NTN4: variants seen among roughly 807,000 people sequenced by gnomAD.
NTN4 encodes netrin 4, also known as netrin-4.
NTN4 carries 32 observed loss-of-function variants against 73.6 expected under a neutral mutation model. That is an observed-to-expected ratio of 0.44 (90% CI 0.33 to 0.58). The LOEUF is 0.58. Ranked by LOEUF, NTN4 falls within the 20% of genes least tolerant of loss-of-function variation. The pLI, the probability that NTN4 is intolerant of heterozygous loss-of-function variation, is 0.04. For synonymous variants in NTN4, 258 were observed against 287.5 expected (o/e 0.90, Z 1.04); for missense variants, 654 against 798.3 (o/e 0.82, Z 2.18).
At chr12:95,764,912 A>G (rs2079010836) in intron 2 of NTN4, among the ~76,000 whole-genome samples, 1 of 152,186 alleles carries the variant, frequency 6.6e-6, no homozygotes, top group Non-Finnish European at 1.5e-5. Flanking sequence ...CATATAAATT[A>G]TGAGGAGTGC....
intron 2 of NTN4, among the ~76,000 whole-genome samples, chr12:95,746,822 TG>T (rs1313325974): frequency 1.3e-5 from 2 of 152,182 alleles, no homozygotes; most frequent in African/African-American, 4.8e-5. Context: ...CTGGGGTAAT[TG>T]TAGGGCTCAC....
At chr12:95,737,275 A>G (rs552464769) in intron 3 of NTN4, among the ~76,000 whole-genome samples, 1 of 152,194 alleles carries the variant, frequency 6.6e-6, no homozygotes, top group South Asian at 2.1e-4. Flanking sequence ...TCCTGAGGAT[A>G]CAAAGATCAT....
chr12:95,672,966 C>G (rs2078245191), intron 7 of NTN4: 1 of 1,143,050 alleles, frequency 8.7e-7, no homozygotes, highest in Non-Finnish European at 1.3e-6. Flanking sequence ...GTAAATTGGA[C>G]AAGAGCTCGA....
intron 5 of NTN4, among the ~76,000 whole-genome samples, chr12:95,689,899 C>A (rs1462795213): frequency 6.6e-6 from 1 of 152,194 alleles, no homozygotes; most frequent in African/African-American, 2.4e-5. Context: ...GTCTATCACA[C>A]CGGTCTGTAA....
At chr12:95,778,428 G>A (rs1055368384) in intron 2 of NTN4, among the ~76,000 whole-genome samples, 6 of 151,906 alleles carry the variant, frequency 3.9e-5, no homozygotes, top group African/African-American at 9.7e-5. Context: ...GACCAATAAA[G>A]AAGAAAAGAG....
At chr12:95,676,470 C>T (rs2078274179) in intron 7 of NTN4, among the ~76,000 whole-genome samples, 1 of 151,874 alleles carries the variant, frequency 6.6e-6, no homozygotes, top group Non-Finnish European at 1.5e-5. Flanking sequence ...TCCTAGACAA[C>T]TCAATGGATT....
Position 95,787,024 on chromosome 12 carries a change from G to A in NTN4, c.500C>T (p.Thr167Ile). 6.2e-7 allele frequency: 1 copy of A among 1,614,200 alleles called. No homozygotes were observed. Among genetic ancestry groups the A allele is most frequent in the South Asian group, 1.1e-5 (1 of 91,092 alleles). Residue 167 changes from threonine (T) to isoleucine (I), a missense_variant, in exon 2 of 10, where the codon ACA becomes ATA. Transcript: ENST00000343702. ...YKYFATNCSA[T>I]FGLEDDVVKK... ...GACAACATCATCTTCCAGGCCAAAT[G>A]TAGCGGAGCAGTTAGTCGCAAAGTA...
At chr12:95,736,162 C>A (rs1294308123) in intron 3 of NTN4, among the ~76,000 whole-genome samples, 2 of 152,038 alleles carry the variant, frequency 1.3e-5, no homozygotes, top group Non-Finnish European at 2.9e-5. Flanking sequence ...TGGTCTGGAA[C>A]TCCTGACCTC....
At chr12:95,758,739 A>C (rs1359255476) in intron 2 of NTN4, among the ~76,000 whole-genome samples, 3 of 151,818 alleles carry the variant, frequency 2.0e-5, no homozygotes, top group South Asian at 2.1e-4. Flanking sequence ...TAACTTTTTA[A>C]TTTTTTGTAG....
chr12:95,682,554 A>T (rs1227801613), intron 7 of NTN4, among the ~76,000 whole-genome samples, 153 bp downstream of exon 7: 2 of 152,012 alleles, frequency 1.3e-5, no homozygotes, highest in Non-Finnish European at 2.9e-5. Context: ...TTACAGTTTC[A>T]TACTTACAGG....
chr12:95,703,955 A>G (rs1330613030), intron 5 of NTN4, among the ~76,000 whole-genome samples: 1 of 152,174 alleles, frequency 6.6e-6, no homozygotes, highest in Non-Finnish European at 1.5e-5. Flanking sequence ...AGAGATGGGA[A>G]ATTTCTCTGC....
chr12:95,770,671 T>C lies in NTN4; in HGVS notation c.585+16268A>G, dbSNP rs536135745. Among the ~76,000 whole-genome samples, 320 of 152,210 alleles carry C rather than the reference T, an allele frequency of 2.1e-3. 1 individual carries two copies. Among genetic ancestry groups the C allele is most frequent in the Admixed American group, 4.4e-3 (67 of 15,294 alleles). On this transcript the variant is annotated intron_variant, in intron 2 of 9. Transcript: ENST00000343702. The stretch of plus-strand genomic sequence containing the variant: ...ACATAGATTAAACAGTGTAAGAGGG[T>C]GATCACATCTTCTCTCTTCAATTCA...
At chr12:95,747,937 A>C (rs2078873680) in intron 2 of NTN4, among the ~76,000 whole-genome samples, 2 of 152,106 alleles carry the variant, frequency 1.3e-5, no homozygotes, top group Admixed American at 1.3e-4. Flanking sequence ...TTATAGAAAA[A>C]ATATATTTAA....
chr12:95,787,660 G>A (rs1030204469), intron 1 of NTN4, among the ~76,000 whole-genome samples, 192 bp from the exon 2 acceptor site: 9 of 152,158 alleles, frequency 5.9e-5, no homozygotes, highest in South Asian at 2.1e-4. Context: ...ATGCATTCGT[G>A]TATGCGTGTG....
chr12:95,732,506 C>A (rs1424185194), intron 3 of NTN4, among the ~76,000 whole-genome samples: 1 of 149,718 alleles, frequency 6.7e-6, no homozygotes, highest in Non-Finnish European at 1.5e-5. Flanking sequence ...TGCGTCCAAG[C>A]GATTCTTCGG....
intron 5 of NTN4, among the ~76,000 whole-genome samples, chr12:95,684,112 G>C (rs2078341421): frequency 6.6e-6 from 1 of 152,156 alleles, no homozygotes; most frequent in African/African-American, 2.4e-5. Flanking sequence ...TGTGGCAGAT[G>C]TTGAAAGGTC....
At chr12:95,659,613 A>G (rs1415744390) in intron 9 of NTN4, among the ~76,000 whole-genome samples, 1 of 152,130 alleles carries the variant, frequency 6.6e-6, no homozygotes. Context: ...CAGCAGTTTT[A>G]TATATTCAGG....
At chr12:95,742,680 A>T (rs4274262) in intron 2 of NTN4, among the ~76,000 whole-genome samples, 1 of 152,052 alleles carries the variant, frequency 6.6e-6, no homozygotes, top group African/African-American at 2.4e-5. Context: ...ATGATGGCAC[A>T]CTTACACTGT....
chr12:95,672,242 A>AG (rs2078238172), intron 7 of NTN4: 1 of 456,158 alleles, frequency 2.2e-6, no homozygotes, highest in Admixed American at 3.5e-5. Context: ...AGGCGGGGGC[A>AG]GGGGGCGGGC....
Sources: allele counts gnomAD v4.1 joint callset (sites outside exome capture counted in the v4.1 genomes callset), GRCh38; gene constraint gnomAD v4.1.1; transcripts MANE v1.5; gene names NCBI Gene and HGNC (gene_info 2026-07-23, HGNC 2026-07-21).